Variants in MARCHF7 observed in about 807,000 individuals in gnomAD.
MARCHF7 encodes the protein membrane associated ring-CH-type finger 7, also known as E3 ubiquitin-protein ligase MARCHF7.
In MARCHF7, 20 loss-of-function variants were observed where a neutral mutation model predicts 76.5. The observed-to-expected ratio is 0.26, with a 90% CI of 0.18 to 0.38. The LOEUF (loss-of-function observed/expected upper bound fraction) is 0.38, where lower values mean the gene tolerates loss of function less well. Ranked by LOEUF, MARCHF7 falls within the 10% of genes least tolerant of loss-of-function variation. MARCHF7 has a pLI of 1.00. For missense variants in MARCHF7, 797 were observed against 812.9 expected (o/e 0.98, Z 0.24); for synonymous variants, 295 against 293.0 (o/e 1.01, Z -0.07).
intron 11 of MARCHF7, among the ~76,000 whole-genome samples, chr2:159,765,696 T>C (rs1358209068): frequency 6.6e-6 from 1 of 152,180 alleles, no homozygotes; most frequent in Non-Finnish European, 1.5e-5. Context: ...AACTTTTTAA[T>C]TCTAGATAAT....
At chr2:159,725,235 C>T (rs1450688747) in intron 3 of MARCHF7, among the ~76,000 whole-genome samples, 1 of 152,142 alleles carries the variant, frequency 6.6e-6, no homozygotes, top group Non-Finnish European at 1.5e-5. Flanking sequence ...ATTTCTAGTT[C>T]TAGATCCTTG....
chr2:159,761,275 C>T (rs1320183269), intron 9 of MARCHF7, among the ~76,000 whole-genome samples: 3 of 151,860 alleles, frequency 2.0e-5, no homozygotes, highest in East Asian at 1.9e-4. Flanking sequence ...CCACCCGCCT[C>T]GGCCTCCCAA....
At chr2:159,733,850 T>C in intron 4 of MARCHF7, 1 of 1,186,812 alleles carries the variant, frequency 8.4e-7, no homozygotes, top group Non-Finnish European at 1.0e-6. Flanking sequence ...ACGATTATTA[T>C]GTAATATACT....
At chr2:159,746,510 T>C (rs905988242) in intron 6 of MARCHF7, among the ~76,000 whole-genome samples, 3 of 152,224 alleles carry the variant, frequency 2.0e-5, no homozygotes, top group Non-Finnish European at 2.9e-5. Context: ...CAAGCGATTC[T>C]CCTGTGTCAG....
At chr2:159,765,412 A>T (rs978399207) in intron 11 of MARCHF7, among the ~76,000 whole-genome samples, 2 of 152,086 alleles carry the variant, frequency 1.3e-5, no homozygotes, top group Admixed American at 6.6e-5. Flanking sequence ...GCTTCATACC[A>T]TGTGGGCATA....
At chr2:159,743,020 T>G (rs1210748269) in intron 4 of MARCHF7, 41 bp from the exon 5 acceptor site, 1 of 1,547,632 alleles carries the variant, frequency 6.5e-7, no homozygotes, top group East Asian at 2.3e-5. Context: ...TAGTACTGAA[T>G]GCAGCCTTTT....
In MARCHF7 at chr2:159,748,634, A is replaced by G; in HGVS notation, c.1344A>G (p.Pro448=). ...NDPLGAAANR[P]QASAASSSAT... is the part of the protein sequence containing the mutation. ...CTCTTGGAGCTGCTGCCAACAGACC[A>G]CAAGCATCTGCAGCATCAAGCAGTG... The change falls in exon 7 of 12, where the codon CCA becomes CCG. Residue 448 remains proline (P), a synonymous_variant. Transcript: ENST00000409175. 6.2e-7 allele frequency: 1 copy of G among 1,614,220 alleles called. No individual in the cohort carries two copies. The highest frequency in any genetic ancestry group is 8.5e-7 in the Non-Finnish European group (1 of 1,180,040).
At chr2:159,721,748 C>CT (rs1383219749) in intron 3 of MARCHF7, among the ~76,000 whole-genome samples, 8 of 152,178 alleles carry the variant, frequency 5.3e-5, no homozygotes, top group African/African-American at 1.9e-4. Flanking sequence ...GGATAAAATT[C>CT]TAGTGGATCT....
At chr2:159,743,015 C>G (rs758947091) in intron 4 of MARCHF7, 46 bp from the exon 5 acceptor site, 4 of 1,519,568 alleles carry the variant, frequency 2.6e-6, no homozygotes, top group East Asian at 2.3e-5. Flanking sequence ...AAATTTAGTA[C>G]TGAATGCAGC....
rs1049251705 is a variant in MARCHF7, at chr2:159,767,504, C to T, written c.*162C>T. On this transcript the variant is annotated 3_prime_UTR_variant, in exon 12 of 12. Transcript: ENST00000409175. ...ATGCCTGTATATATATATTCATTCTCCAGTGTTGCTGAATTAAAATTCTGC... is the reference window on the plus strand; with the variant it reads ...ATGCCTGTATATATATATTCATTCTTCAGTGTTGCTGAATTAAAATTCTGC... 2.2e-6 allele frequency: 1 copy of T among 459,708 alleles called. No homozygotes were observed. The highest frequency in any genetic ancestry group is 4.0e-5 in the South Asian group (1 of 25,192). The allele number at this position is 459,708 out of a possible 1,614,324, so 28.5% of individuals were successfully genotyped here. A position where few individuals can be genotyped will look rare whatever the true frequency, so the allele number is the denominator to read the frequency against.
intron 3 of MARCHF7, among the ~76,000 whole-genome samples, chr2:159,722,573 A>G (rs6432554): frequency 0.34 from 52,469 of 152,086 alleles, 9,249 homozygotes; most frequent in South Asian, 0.44. Context: ...TTCGCTTGTT[A>G]AGTATTAATT....
At chr2:159,735,803 G>A (rs759108160) in intron 4 of MARCHF7, among the ~76,000 whole-genome samples, 1 of 152,146 alleles carries the variant, frequency 6.6e-6, no homozygotes, top group South Asian at 2.1e-4. Context: ...GCAAGTTTCT[G>A]TGTGGACTTG....
chr2:159,751,916 C>G (rs967736968), intron 7 of MARCHF7, among the ~76,000 whole-genome samples: 1 of 152,078 alleles, frequency 6.6e-6, no homozygotes, highest in Admixed American at 6.6e-5. Context: ...AAATGAGAAT[C>G]TACAAGCCAG....
At chr2:159,750,566 G>T (rs1033696291) in intron 7 of MARCHF7, among the ~76,000 whole-genome samples, 1 of 151,980 alleles carries the variant, frequency 6.6e-6, no homozygotes, top group Admixed American at 6.6e-5. Context: ...TAAATGCAGG[G>T]CATAGAATCT....
intron 4 of MARCHF7, among the ~76,000 whole-genome samples, chr2:159,736,673 T>C (rs566390801): frequency 6.6e-6 from 1 of 152,220 alleles, no homozygotes; most frequent in Non-Finnish European, 1.5e-5. Context: ...TAATAGTAAA[T>C]GATTTCATTG....
At chr2:159,745,706 A>G (rs1404273552) in intron 5 of MARCHF7, 64 bp from the exon 6 acceptor site, 1 of 1,103,174 alleles carries the variant, frequency 9.1e-7, no homozygotes, top group Non-Finnish European at 1.3e-6. Context: ...CTATTACTGA[A>G]GATTGTCATC....
At chr2:159,742,162 TAAAAG>T (rs1214352747) in intron 4 of MARCHF7, among the ~76,000 whole-genome samples, 5 of 152,162 alleles carry the variant, frequency 3.3e-5, no homozygotes, top group African/African-American at 1.2e-4. Context: ...ACATATATGT[TAAAAG>T]AGAAAACCAT....
intron 3 of MARCHF7, among the ~76,000 whole-genome samples, chr2:159,728,334 G>C (rs181162484): frequency 4.6e-5 from 7 of 152,250 alleles, no homozygotes; most frequent in African/African-American, 1.7e-4. Context: ...CCTATGAGTG[G>C]TAAATAAAAA....
rs1013418365 is a variant in MARCHF7 at position 159,747,277 on chromosome 2, G to GA, written c.515-519dup. 1.8e-4 allele frequency among the ~76,000 whole-genome samples: 27 copies of GA among 150,480 alleles called. No individual in the cohort carries two copies. In the East Asian group the frequency reaches 2.9e-3, roughly 16 times the overall value. ...AAGAACCACAGCTGTTAACCTGAAA[G>GA]AAAAAAAAATTGGAAAAATTTTTAG... On this transcript the variant is annotated intron_variant, in intron 6 of 11. Coordinates refer to ENST00000409175, the MANE Select transcript of MARCHF7 (RefSeq NM_001282805.2).
Sources: gnomAD v4.1 joint callset for allele counts (sites outside exome capture counted in the v4.1 genomes callset) on GRCh38, gnomAD v4.1.1 for gene constraint, MANE v1.5 for transcripts, NCBI Gene and HGNC (gene_info 2026-07-23, HGNC 2026-07-21) for gene names.